The following EDA variants were observed in gnomAD, a reference collection of about 807,000 sequenced individuals.
EDA encodes ectodysplasin A.
Under a neutral mutation model 23.6 loss-of-function variants are expected in EDA, and 2 were observed. The observed-to-expected ratio is 0.08, with a 90% CI of 0.03 to 0.27. The LOEUF (loss-of-function observed/expected upper bound fraction) is 0.27. Among genes scored for constraint, EDA ranks in the 10% least tolerant of loss-of-function variants. The probability of loss-of-function intolerance (pLI) is 1.00; values close to 1 mark genes in which losing one functional copy is unlikely to be tolerated. For missense variants in EDA, 229 were observed against 324.2 expected (o/e 0.71, Z 2.26); for synonymous variants, 131 against 132.0 (o/e 0.99, Z 0.05).
chrX:69,687,923 G>A (rs1355349991), intron 1 of EDA, among the ~76,000 whole-genome samples: 1 of 111,573 alleles, frequency 9.0e-6, no homozygotes, highest in Non-Finnish European at 1.9e-5. Flanking sequence ...ATCAACTCCT[G>A]TGGGGAAGTG....
intron 1 of EDA, among the ~76,000 whole-genome samples, chrX:69,888,978 TTA>T (rs935436674): frequency 0.092 from 1,465 of 15,948 alleles, 51 homozygotes; most frequent in Non-Finnish European, 0.12. Context: ...TGTGGGGTAG[TTA>T]TATATATATA....
intron 2 of EDA, among the ~76,000 whole-genome samples, chrX:70,020,991 T>C (rs1019334150): frequency 5.3e-5 from 6 of 112,302 alleles, no homozygotes; most frequent in African/African-American, 1.9e-4. Context: ...TTTATGTATG[T>C]GTAAGGAGTA....
intron 1 of EDA, among the ~76,000 whole-genome samples, chrX:69,675,157 A>AC (rs1934036909): frequency 1.8e-5 from 2 of 109,893 alleles, no homozygotes; most frequent in Non-Finnish European, 3.8e-5. Context: ...TAATTAAAAA[A>AC]AATTGTAGAG....
intron 1 of EDA, among the ~76,000 whole-genome samples, chrX:69,641,261 T>G (rs565783677): frequency 8.9e-6 from 1 of 112,364 alleles, no homozygotes; most frequent in East Asian, 2.8e-4. Flanking sequence ...ATTATATGCC[T>G]GTGCATTTTT....
At chrX:69,730,151 A>C (rs1227440924) in intron 1 of EDA, among the ~76,000 whole-genome samples, 2 of 111,585 alleles carry the variant, frequency 1.8e-5, no homozygotes, top group African/African-American at 6.5e-5. Flanking sequence ...GGTGTGAGCT[A>C]CTGCACCAGC....
chrX:69,985,619 A>G (rs1468508896), intron 2 of EDA, among the ~76,000 whole-genome samples: 3 of 17,443 alleles, frequency 1.7e-4, no homozygotes, highest in Non-Finnish European at 3.1e-4. Flanking sequence ...AAGGAAATAA[A>G]AGAGGACACA....
intron 1 of EDA, among the ~76,000 whole-genome samples, chrX:69,915,764 C>T (rs1226212465): frequency 4.5e-5 from 5 of 111,045 alleles, no homozygotes; most frequent in Non-Finnish European, 9.4e-5. Flanking sequence ...GACAACTAAA[C>T]AAGCAATAAA....
At chrX:69,754,653 G>A (rs1463841113) in intron 1 of EDA, among the ~76,000 whole-genome samples, 1 of 112,041 alleles carries the variant, frequency 8.9e-6, no homozygotes, top group South Asian at 3.7e-4. Context: ...ATCCTGAAGA[G>A]TGTTTTCCAA....
At chrX:69,711,335 GA>G (rs2147328187) in intron 1 of EDA, among the ~76,000 whole-genome samples, 1 of 111,560 alleles carries the variant, frequency 9.0e-6, no homozygotes, top group Admixed American at 9.5e-5. Flanking sequence ...GCATCCCAGG[GA>G]TGAAGCCCAC....
At chrX:69,917,216 A>G (rs912094829) in intron 1 of EDA, among the ~76,000 whole-genome samples, 2 of 111,420 alleles carry the variant, frequency 1.8e-5, no homozygotes, top group Non-Finnish European at 3.8e-5. Context: ...GATTACAGGC[A>G]TGAGCCACCA....
intron 1 of EDA, among the ~76,000 whole-genome samples, chrX:69,837,524 A>G (rs777530227): frequency 6.2e-5 from 7 of 112,562 alleles, no homozygotes; most frequent in African/African-American, 1.9e-4. Context: ...TAATTGTTGC[A>G]TATGATTTTT....
chrX:69,795,807 G>A (rs780392978), intron 1 of EDA, among the ~76,000 whole-genome samples: 2 of 110,455 alleles, frequency 1.8e-5, no homozygotes, highest in Non-Finnish European at 3.8e-5. Context: ...ATGGGCCTGG[G>A]GATCACCTCA....
chrX:69,637,813 A>G (rs749653230), intron 1 of EDA, among the ~76,000 whole-genome samples: 20 of 111,116 alleles, frequency 1.8e-4, no homozygotes, highest in Non-Finnish European at 3.2e-4. Context: ...TACTACTACT[A>G]CTGCTTAGTA....
At chrX:70,007,401 C>T (rs1027240080) in intron 2 of EDA, among the ~76,000 whole-genome samples, 7 of 111,341 alleles carry the variant, frequency 6.3e-5, no homozygotes, top group Non-Finnish European at 1.1e-4. Flanking sequence ...CAGTTACTCC[C>T]ATGCTGTTCT....
rs1033436000 is a variant in EDA, at chrX:69,783,528, A to ATATGCAG, written c.396+166826_396+166832dup. Among the ~76,000 whole-genome samples the ATATGCAG allele has an allele frequency of 1.6e-3, 169 of 106,548 alleles. 1 individual carries two copies. Among genetic ancestry groups the ATATGCAG allele is most frequent in the African/African-American group, 5.5e-3 (159 of 29,100 alleles). The allele number at this position is 106,548 out of a possible 115,157, so 92.5% of individuals were successfully genotyped here. Reference sequence around the variant, plus strand: ...GTTCAATTCCCACCTATGAGTGAGAATATGCAGTCTTTGGTTTTCTGTTCT... The same window carrying ATATGCAG: ...GTTCAATTCCCACCTATGAGTGAGAATATGCAGTATGCAGTCTTTGGTTTTCTGTTCT... On this transcript the variant is annotated intron_variant, in intron 1 of 7. Coordinates refer to ENST00000374552, the MANE Select transcript of EDA (RefSeq NM_001399.5).
Position 69,616,329 on chromosome X carries a change from G to C in EDA, c.21G>C (p.Glu7Asp), listed in dbSNP as rs374333274. The C allele has an allele frequency of 8.3e-7, 1 of 1,200,273 alleles. No individual in the cohort carries two copies. Residue 7 changes from glutamate to aspartate, a missense_variant, in exon 1 of 8, where the codon GAG becomes GAC. By Grantham distance (45) the Glu-to-Asp change is conservative. Around this residue, in one of 2 missense-constraint regions of EDA, gnomAD observed 54 missense variants for 42.4 expected, o/e 1.27. Coordinates refer to ENST00000374552, the MANE Select transcript of EDA (RefSeq NM_001399.5). MGYPEV[E>D]RRELLPAAAP... The stretch of plus-strand genomic sequence containing the variant: ...AGGCCATGGGCTACCCGGAGGTGGA[G>C]CGCAGGGAACTCCTGCCTGCAGCAG...
At chrX:69,698,149 T>C (rs1370853176) in intron 1 of EDA, among the ~76,000 whole-genome samples, 1 of 112,114 alleles carries the variant, frequency 8.9e-6, no homozygotes, top group Non-Finnish European at 1.9e-5. Flanking sequence ...CCATTTGTCC[T>C]TTTGCCATCT....
In EDA at chrX:69,785,099, T is replaced by C. The variant is rs370740227; in HGVS notation, c.396+168395T>C. The stretch of plus-strand genomic sequence containing the variant: ...CCTGATTTGGCTCTCTGTTTGTCTG[T>C]TGTTGGTGTATAAGAATGCTTGTGA... On this transcript the variant is annotated intron_variant, in intron 1 of 7. Coordinates refer to ENST00000374552, the MANE Select transcript of EDA (RefSeq NM_001399.5). 4.1e-4 allele frequency among the ~76,000 whole-genome samples: 43 copies of C among 104,492 alleles called. No individual in the cohort carries two copies. In the East Asian group the frequency reaches 4.7e-3, roughly 11 times the overall value. 90.7% of individuals were successfully genotyped at this position (104,492 alleles called of 115,157 possible).
chrX:69,835,596 T>G (rs1031969605), intron 1 of EDA, among the ~76,000 whole-genome samples: 26 of 111,749 alleles, frequency 2.3e-4, no homozygotes, highest in Non-Finnish European at 3.4e-4. Context: ...CACTGTTTAT[T>G]CTAGTTAGCC....
Sources: allele counts gnomAD v4.1 joint callset (sites outside exome capture counted in the v4.1 genomes callset), GRCh38; gene constraint gnomAD v4.1.1; regional missense constraint gnomAD v4.1.1; transcripts MANE v1.5; gene names NCBI Gene and HGNC (gene_info 2026-07-23, HGNC 2026-07-21).